Variants in RAPGEF6 observed in about 807,000 individuals in gnomAD.
RAPGEF6 encodes PDZ domain containing guanine nucleotide exchange factor (GEF) 2.
A neutral mutation model predicts 171.4 loss-of-function variants in RAPGEF6; 56 were observed. That is an observed-to-expected ratio of 0.33 (90% CI 0.26 to 0.41). RAPGEF6 has a LOEUF of 0.41. RAPGEF6 is among the 10% of genes least tolerant of loss of function. RAPGEF6 has a pLI of 1.00. For synonymous variants in RAPGEF6, 692 were observed against 650.1 expected, an observed-to-expected ratio of 1.06 and a Z score of -0.98; for missense variants, 1,674 against 1,921.4, an observed-to-expected ratio of 0.87 and a Z score of 2.41.
intron 5 of RAPGEF6, among the ~76,000 whole-genome samples, chr5:131,559,307 C>T (rs558026259): frequency 4.6e-5 from 7 of 151,786 alleles, no homozygotes; most frequent in East Asian, 1.9e-4. Context: ...CCAGCCTAGA[C>T]GAGAGAGCAA....
Position 131,635,046 on chromosome 5 carries a change from A to G in RAPGEF6, c.-16T>C. Reference sequence around the variant, plus strand: ...GTGAGTTCATGGCCACGGCCCGGGTACTCCGCAGCCTGCCCTTAGCAGCCC... The same window carrying G: ...GTGAGTTCATGGCCACGGCCCGGGTGCTCCGCAGCCTGCCCTTAGCAGCCC... On this transcript the variant is annotated 5_prime_UTR_variant, in exon 1 of 28. Coordinates refer to ENST00000509018, the MANE Select transcript of RAPGEF6 (RefSeq NM_016340.6). 7.5e-6 allele frequency: 12 copies of G among 1,598,186 alleles called. No individual in the cohort carries two copies. The highest frequency in any genetic ancestry group is 1.0e-5 in the Non-Finnish European group (12 of 1,168,656).
At chr5:131,439,776 C>A (rs1752258506) in intron 23 of RAPGEF6, 61 bp from the exon 24 acceptor site, 1 of 1,575,526 alleles carries the variant, frequency 6.3e-7, no homozygotes, top group Non-Finnish European at 8.6e-7. Context: ...TCTATAGTTG[C>A]CTAAATCACT....
At chr5:131,604,530 A>T in intron 2 of RAPGEF6, 93 bp downstream of exon 2, 1 of 1,392,968 alleles carries the variant, frequency 7.2e-7, no homozygotes, top group Non-Finnish European at 9.9e-7. Flanking sequence ...GGCTTAAAAC[A>T]ATAAGGAATA....
At position 131,453,111 on chromosome 5, in the gene RAPGEF6, C is replaced by T. The variant is rs550513672; in HGVS notation, c.3143G>A (p.Arg1048His). ...AGCAGAAGTCATTCGAACAACTTGG[C>T]GGATTTCCTTGGAAATCATTCTTAA... Reference protein sequence around the residue: ...EKLRMISKEIRQVVRMTSANM... With the variant: ...EKLRMISKEIHQVVRMTSANM... The change falls in exon 21 of 28, where the codon CGC becomes CAC. Residue 1048 changes from arginine to histidine, a missense_variant. Arg to His is a conservative substitution (Grantham distance 29, BLOSUM62 0). Around this residue, in one of 3 missense-constraint regions of RAPGEF6, gnomAD observed 1,116 missense variants for 1,321.5 expected, o/e 0.84. Transcript: ENST00000509018. 1.6e-5 allele frequency: 26 copies of T among 1,613,684 alleles called. No individual in the cohort carries two copies. Among genetic ancestry groups the T allele is most frequent in the East Asian group, 8.9e-5 (4 of 44,846 alleles).
At position 131,592,394 on chromosome 5, in the gene RAPGEF6, C is replaced by CA; in HGVS notation, c.269dup (p.Leu90PhefsTer8). The CA allele has an allele frequency of 6.2e-7, 1 of 1,613,674 alleles. No individual in the cohort carries two copies. The highest frequency in any genetic ancestry group is 8.5e-7 in the Non-Finnish European group (1 of 1,179,724). The stretch of plus-strand genomic sequence containing the variant: ...AAATGTAAACGTACCTGCAAGGAGG[C>CA]AAGACCATGGAGCCTTTCACAAGCA... On this transcript the variant is annotated frameshift_variant, in exon 4 of 28. Transcript: ENST00000509018. LOFTEE classifies it high-confidence loss of function.
At chr5:131,528,704 A>G (rs766010690) in intron 6 of RAPGEF6, among the ~76,000 whole-genome samples, 15 of 152,166 alleles carry the variant, frequency 9.9e-5, no homozygotes, top group Admixed American at 9.8e-4. Flanking sequence ...GGAGAAAATC[A>G]GTATAAGAAT....
At position 131,464,288 on chromosome 5, in the gene RAPGEF6, A is replaced by C. The variant is rs1754161636; in HGVS notation, c.2240-7T>G. On this transcript the variant is annotated splice_region_variant and splice_polypyrimidine_tract_variant and intron_variant, in intron 17 of 27. Coordinates refer to ENST00000509018, the MANE Select transcript of RAPGEF6 (RefSeq NM_016340.6). ...ATAACTTGATCAGGGATATCTACAT[A>C]AATAGAAAGATATGCTTTGTTATTT... The C allele has an allele frequency of 1.2e-6, 2 of 1,603,390 alleles. No individual in the cohort carries two copies. The highest frequency in any genetic ancestry group is 1.7e-6 in the Non-Finnish European group (2 of 1,171,934).
intron 20 of RAPGEF6, among the ~76,000 whole-genome samples, chr5:131,453,656 T>C (rs1042790569): frequency 6.6e-6 from 1 of 152,130 alleles, no homozygotes. Flanking sequence ...GTTTATAGCA[T>C]TGTTTTTTCA....
intron 8 of RAPGEF6, among the ~76,000 whole-genome samples, chr5:131,509,746 T>C (rs1757601065): frequency 6.6e-6 from 1 of 152,236 alleles, no homozygotes; most frequent in Non-Finnish European, 1.5e-5. Flanking sequence ...TTATATATTG[T>C]GGCAGCCAAC....
chr5:131,446,364 T>C (rs1394898296), intron 22 of RAPGEF6, 119 bp downstream of exon 22: 1 of 926,390 alleles, frequency 1.1e-6, no homozygotes. Flanking sequence ...GCTTAAGGTA[T>C]GCCAGCAATC....
rs547570025 is a variant in RAPGEF6 at position 131,619,315 on chromosome 5, G to T, written c.70-14622C>A. Among the ~76,000 whole-genome samples the T allele has an allele frequency of 2.6e-5, 4 of 152,134 alleles. No individual in the cohort carries two copies. In the East Asian group the frequency reaches 5.8e-4, roughly 22 times the overall value. Reference sequence around the variant, plus strand: ...AACATCACACACCAGGGCCTGTTGCGGCGGGGCTGGAGGGCGGGGGGGCAT... The same window carrying T: ...AACATCACACACCAGGGCCTGTTGCTGCGGGGCTGGAGGGCGGGGGGGCAT... On this transcript the variant is annotated intron_variant, in intron 1 of 27. Transcript: ENST00000509018.
intron 27 of RAPGEF6, 82 bp from the exon 28 acceptor site, chr5:131,427,373 C>T: frequency 1.7e-6 from 2 of 1,193,344 alleles, no homozygotes; most frequent in South Asian, 2.7e-5. Flanking sequence ...TTTAGAAAAT[C>T]AATGTCAACA....
At chr5:131,589,874 G>C (rs943999560) in intron 4 of RAPGEF6, among the ~76,000 whole-genome samples, 8 of 152,250 alleles carry the variant, frequency 5.3e-5, no homozygotes, top group African/African-American at 1.9e-4. Flanking sequence ...TGCCAGCCTT[G>C]ACCAGACAAC....
At chr5:131,453,876 A>C (rs1165951062) in intron 20 of RAPGEF6, among the ~76,000 whole-genome samples, 1 of 152,228 alleles carries the variant, frequency 6.6e-6, no homozygotes, top group Non-Finnish European at 1.5e-5. Context: ...ATTTCAAGGA[A>C]CATGTCAGAA....
intron 21 of RAPGEF6, 26 bp from the exon 22 acceptor site, chr5:131,446,729 A>C: frequency 1.9e-6 from 3 of 1,582,844 alleles, no homozygotes; most frequent in Non-Finnish European, 2.6e-6. Context: ...AATCACAATA[A>C]GGGGCTATAG....
intron 17 of RAPGEF6, among the ~76,000 whole-genome samples, chr5:131,468,779 T>C (rs1189432221): frequency 6.6e-6 from 1 of 151,964 alleles, no homozygotes; most frequent in Non-Finnish European, 1.5e-5. Flanking sequence ...GACAAGACAT[T>C]GAGTAAGGAA....
chr5:131,430,970 G>A lies in RAPGEF6; in HGVS notation c.4354C>T (p.Gln1452Ter), dbSNP rs764526893. The A allele has an allele frequency of 2.1e-5, 34 of 1,614,016 alleles. 1 individual carries two copies. The highest frequency in any genetic ancestry group is 5.0e-5 in the Admixed American group (3 of 59,998). The change falls in exon 26 of 28, where the codon CAG becomes TAG. Residue 1452 changes from glutamine (Q) to a stop codon, truncating the protein, a stop_gained. Coordinates refer to ENST00000509018, the MANE Select transcript of RAPGEF6 (RefSeq NM_016340.6). LOFTEE classifies it high-confidence loss of function. ...GCTGGGGTGCTCTCCAATACTCTCT[G>A]TTTAACTGTCCCATAGTTTGGTTCA... is the stretch of plus-strand genomic sequence containing the variant. ...TYEPNYGTVK[Q>*]RVLESTPAES...
intron 15 of RAPGEF6, among the ~76,000 whole-genome samples, chr5:131,485,603 A>G (rs1361589930): frequency 6.6e-6 from 1 of 152,144 alleles, no homozygotes; most frequent in Non-Finnish European, 1.5e-5. Flanking sequence ...CCTAGGGCAT[A>G]CTAGAATTAA....
chr5:131,474,335 T>A (rs42264), intron 16 of RAPGEF6, among the ~76,000 whole-genome samples: 1 of 151,876 alleles, frequency 6.6e-6, no homozygotes, highest in Non-Finnish European at 1.5e-5. Flanking sequence ...GTCGGGTGGC[T>A]CGTGCCTGTA....
Sources: allele counts gnomAD v4.1 joint callset (sites outside exome capture counted in the v4.1 genomes callset), GRCh38; gene constraint gnomAD v4.1.1; regional missense constraint gnomAD v4.1.1; transcripts MANE v1.5; gene names NCBI Gene and HGNC (gene_info 2026-07-23, HGNC 2026-07-21).